The following MTA3 variants were observed in gnomAD, a reference collection of about 807,000 sequenced individuals.
MTA3 encodes the protein metastasis-associated protein MTA3.
MTA3 carries 34 observed loss-of-function variants against 83.5 expected under a neutral mutation model. That is an observed-to-expected ratio of 0.41 (90% CI 0.31 to 0.54). The LOEUF (loss-of-function observed/expected upper bound fraction) is 0.54, where lower values mean the gene tolerates loss of function less well. MTA3 is among the 20% of genes least tolerant of loss of function. MTA3 has a pLI of 0.33. For missense variants in MTA3, 761 were observed against 726.4 expected, an observed-to-expected ratio of 1.05 and a Z score of -0.55; for synonymous variants, 303 against 252.7, an observed-to-expected ratio of 1.20 and a Z score of -1.89.
At chr2:42,524,206 C>T (rs1034872538) in intron 2 of MTA3, among the ~76,000 whole-genome samples, 6 of 152,112 alleles carry the variant, frequency 3.9e-5, no homozygotes, top group Non-Finnish European at 8.8e-5. Context: ...GTACACTCTT[C>T]CCCTGGTAAA....
chr2:42,700,111 G>T (rs1460715847), intron 11 of MTA3, among the ~76,000 whole-genome samples: 1 of 151,952 alleles, frequency 6.6e-6, no homozygotes, highest in Non-Finnish European at 1.5e-5. Context: ...GATCATTGGT[G>T]ATCTTATTGG....
intron 8 of MTA3, among the ~76,000 whole-genome samples, chr2:42,668,682 C>G (rs1008802470): frequency 6.6e-6 from 1 of 152,060 alleles, no homozygotes; most frequent in Non-Finnish European, 1.5e-5. Context: ...TTTTGTCATG[C>G]CGTGTTTATT....
At chr2:42,611,216 C>T (rs550344218) in intron 4 of MTA3, among the ~76,000 whole-genome samples, 1 of 151,994 alleles carries the variant, frequency 6.6e-6, no homozygotes, top group South Asian at 2.1e-4. Context: ...AACTCCTGAC[C>T]TCGTGATCCA....
At chr2:42,579,558 C>T (rs916248722) in intron 3 of MTA3, among the ~76,000 whole-genome samples, 2 of 151,642 alleles carry the variant, frequency 1.3e-5, no homozygotes, top group Admixed American at 6.6e-5. Context: ...TTGCAAAGTG[C>T]TGGGATTACA....
intron 5 of MTA3, 33 bp downstream of exon 5, chr2:42,640,269 C>T: frequency 6.8e-7 from 1 of 1,470,928 alleles, no homozygotes; most frequent in Non-Finnish European, 9.3e-7. Context: ...TTGTTTTTTT[C>T]TCCCTTTATT....
intron 14 of MTA3, among the ~76,000 whole-genome samples, chr2:42,714,890 G>T (rs1261097051): frequency 6.6e-6 from 1 of 152,188 alleles, no homozygotes; most frequent in Non-Finnish European, 1.5e-5. Context: ...AGGAGGCGGA[G>T]CTCAGGCGGT....
At chr2:42,639,063 C>CTTTTTTTT (rs563252870) in intron 4 of MTA3, among the ~76,000 whole-genome samples, 1 of 138,740 alleles carries the variant, frequency 7.2e-6, no homozygotes. Flanking sequence ...TTCTTTCTTT[C>CTTTTTTTT]TTTTTTTTTT....
At chr2:42,674,220 C>G (rs1691115052) in intron 8 of MTA3, among the ~76,000 whole-genome samples, 1 of 152,176 alleles carries the variant, frequency 6.6e-6, no homozygotes, top group African/African-American at 2.4e-5. Context: ...TGGCCAAGCC[C>G]AACATCAGTG....
intron 2 of MTA3, among the ~76,000 whole-genome samples, chr2:42,497,350 G>T (rs910148195): frequency 1.3e-5 from 2 of 152,098 alleles, no homozygotes; most frequent in African/African-American, 4.8e-5. Context: ...ACTTTGGGAG[G>T]CCGAGGCAGG....
chr2:42,636,453 G>A (rs1484559201), intron 4 of MTA3, among the ~76,000 whole-genome samples: 1 of 151,904 alleles, frequency 6.6e-6, no homozygotes, highest in Non-Finnish European at 1.5e-5. Context: ...GAGGTGGGAG[G>A]ATTGATTGAG....
At chr2:42,677,300 C>G (rs764861235) in intron 8 of MTA3, among the ~76,000 whole-genome samples, 2 of 151,796 alleles carry the variant, frequency 1.3e-5, no homozygotes, top group African/African-American at 2.4e-5. Flanking sequence ...CTGTGCTGTT[C>G]TCGTGATAGT....
At chr2:42,581,272 C>T (rs1268600204) in intron 3 of MTA3, among the ~76,000 whole-genome samples, 5 of 151,660 alleles carry the variant, frequency 3.3e-5, no homozygotes, top group Admixed American at 2.0e-4. Flanking sequence ...TTTAAAAGCA[C>T]CAGGCTGGTA....
chr2:42,657,279 C>G (rs1043384407), intron 7 of MTA3, among the ~76,000 whole-genome samples: 37 of 152,274 alleles, frequency 2.4e-4, no homozygotes, highest in African/African-American at 8.7e-4. Flanking sequence ...TTAGATATCA[C>G]TGTTCATAGA....
At chr2:42,537,219 A>G (rs1422272354) in intron 2 of MTA3, among the ~76,000 whole-genome samples, 1 of 152,116 alleles carries the variant, frequency 6.6e-6, no homozygotes. Flanking sequence ...GTCACTAAAA[A>G]ACAACCAGTC....
At chr2:42,669,133 G>A (rs1690556092) in intron 8 of MTA3, among the ~76,000 whole-genome samples, 1 of 146,788 alleles carries the variant, frequency 6.8e-6, no homozygotes, top group Admixed American at 6.9e-5. Context: ...CACCCAGGCT[G>A]GAGTGCAGTG....
intron 4 of MTA3, among the ~76,000 whole-genome samples, chr2:42,620,455 C>T (rs949589493): frequency 1.3e-5 from 2 of 152,114 alleles, no homozygotes; most frequent in Non-Finnish European, 2.9e-5. Flanking sequence ...CTCAGAAGTA[C>T]ACCTAAACCC....
chr2:42,524,861 G>A (rs1675609986), intron 2 of MTA3, among the ~76,000 whole-genome samples: 1 of 91,030 alleles, frequency 1.1e-5, no homozygotes, highest in African/African-American at 4.4e-5. Flanking sequence ...GACACCTGCA[G>A]TAAGGCCACC....
chr2:42,704,735 G>C lies in MTA3; in HGVS notation c.1150+417G>C, dbSNP rs78627030. Among the ~76,000 whole-genome samples, 276 of 152,308 alleles carry C rather than the reference G, an allele frequency of 1.8e-3. 1 individual carries two copies. Among genetic ancestry groups the C allele is most frequent in the African/African-American group, 6.3e-3 (262 of 41,564 alleles). ...AAGGCCTCTGTGTGGATAAGCTGCT[G>C]TATATAATCCTCAGACCATGTTCCC... On this transcript the variant is annotated intron_variant, in intron 12 of 16. Transcript: ENST00000405094.
At position 42,753,990 on chromosome 2, in the gene MTA3, A is replaced by C; in HGVS notation, c.*591A>C. ...GGGGAATTTGCTGTTTACCCTCTGC[A>C]TTCCTATATGTGACCCTCCCTCCTA... On this transcript the variant is annotated 3_prime_UTR_variant, in exon 17 of 17. Coordinates refer to ENST00000405094, the MANE Select transcript of MTA3 (RefSeq NM_001330442.2). The C allele has an allele frequency of 1.0e-6, 1 of 985,572 alleles. No individual in the cohort carries two copies. The highest frequency in any genetic ancestry group is 1.2e-6 in the Non-Finnish European group (1 of 830,000). The allele number at this position is 985,572 out of a possible 1,614,324, so 61.1% of individuals were successfully genotyped here. A position where few individuals can be genotyped will look rare whatever the true frequency, so the allele number is the denominator to read the frequency against.
Sources: allele counts gnomAD v4.1 joint callset (sites outside exome capture counted in the v4.1 genomes callset), GRCh38; gene constraint gnomAD v4.1.1; transcripts MANE v1.5; gene names NCBI Gene and HGNC (gene_info 2026-07-23, HGNC 2026-07-21).